The following THAP12 variants were observed in gnomAD, a reference collection of about 807,000 sequenced individuals.
THAP12 encodes THAP domain containing 12, also known as 52 kDa repressor of the inhibitor of the protein kinase.
In THAP12, 20 loss-of-function variants were observed where a neutral mutation model predicts 63.0. That is an observed-to-expected ratio of 0.32 (90% confidence interval 0.22 to 0.46). The LOEUF (loss-of-function observed/expected upper bound fraction) is 0.46, where lower values mean the gene tolerates loss of function less well. THAP12 is among the 20% of genes least tolerant of loss of function. The pLI is 1.00. For missense variants in THAP12, 568 were observed against 908.2 expected (o/e 0.63, Z 4.81); for synonymous variants, 264 against 328.4 (o/e 0.80, Z 2.12).
At position 76,351,145 on chromosome 11, in the gene THAP12, G is replaced by A. The variant is rs1396344089; in HGVS notation, c.2005C>T (p.Pro669Ser). The A allele has an allele frequency of 1.9e-6, 3 of 1,606,138 alleles. No homozygotes were observed. The Admixed American group carries it at 5.1e-5, about 27-fold the overall frequency. The change falls in exon 5 of 5, where the codon CCT becomes TCT. Residue 669 changes from proline to serine, a missense_variant. Transcript: ENST00000260045. ...ACATTAGGAAAAAACTTGATGTCAG[G>A]CAGGTGGAGGGCTTCATAGATGGTG... ...PSTIYEALHLPDIKFFPNVYA... is the reference protein window; with the variant it reads ...PSTIYEALHLSDIKFFPNVYA...
chr11:76,365,533 G>A (rs1024935439), intron 2 of THAP12, among the ~76,000 whole-genome samples: 3 of 151,776 alleles, frequency 2.0e-5, no homozygotes, highest in African/African-American at 7.3e-5. Flanking sequence ...ACAGGCATAC[G>A]TCACCACACC....
At chr11:76,379,990 T>C in intron 1 of THAP12, among the ~76,000 whole-genome samples, 1 of 152,136 alleles carries the variant, frequency 6.6e-6, no homozygotes, top group East Asian at 1.9e-4. Context: ...CACCTAACAT[T>C]TGCGCTCGGC....
chr11:76,350,769 T>C lies in THAP12; in HGVS notation c.*95A>G, dbSNP rs566408363. 437 of 1,335,452 alleles carry C rather than the reference T, an allele frequency of 3.3e-4. No homozygotes were observed. The Middle Eastern group carries it at 3.3e-3, about 10-fold the overall frequency. The allele number at this position is 1,335,452 out of a possible 1,614,324, so 82.7% of individuals were successfully genotyped here. On this transcript the variant is annotated 3_prime_UTR_variant, in exon 5 of 5. Transcript: ENST00000260045. ...GGCTAATGTATTCAATGGAGTCCTATAGGCAAAGATATTTAGTGATTAAGT... is the reference window on the plus strand; with the variant it reads ...GGCTAATGTATTCAATGGAGTCCTACAGGCAAAGATATTTAGTGATTAAGT...
intron 3 of THAP12, chr11:76,358,062 A>AAGAAAACCAATAAAGAT: frequency 6.6e-6 from 1 of 152,304 alleles, no homozygotes; most frequent in East Asian, 1.9e-4. Context: ...ACAAGAAAGA[A>AAGAAAACCAATAAAGAT]AGAAAACCAA....
At chr11:76,355,544 A>AG in intron 4 of THAP12, 74 bp downstream of exon 4, 1 of 1,349,454 alleles carries the variant, frequency 7.4e-7, no homozygotes, top group Non-Finnish European at 1.0e-6. Flanking sequence ...CACAGAACAT[A>AG]TTTATTTGTC....
intron 1 of THAP12, among the ~76,000 whole-genome samples, chr11:76,371,684 A>G (rs1441805792): frequency 6.6e-6 from 1 of 151,528 alleles, no homozygotes; most frequent in Non-Finnish European, 1.5e-5. Context: ...CTCCTTAATC[A>G]ATGCCAAGGA....
In THAP12 at chr11:76,380,633, T is replaced by C. The variant is rs1946749254; in HGVS notation, c.89+115A>G. On this transcript the variant is annotated intron_variant, in intron 1 of 4. Coordinates refer to ENST00000260045, the MANE Select transcript of THAP12 (RefSeq NM_004705.4). Reference sequence around the variant, plus strand: ...AACGCTGGGGTCGACGGCAGTGCGCTGCGCCCGCCTCCTGCGCCCCTCTCA... The same window carrying C: ...AACGCTGGGGTCGACGGCAGTGCGCCGCGCCCGCCTCCTGCGCCCCTCTCA... 1.5e-5 allele frequency: 12 copies of C among 776,326 alleles called. No individual in the cohort carries two copies. In the South Asian group the frequency reaches 5.0e-4, roughly 32 times the overall value. 48.1% of individuals were successfully genotyped at this position (776,326 alleles called of 1,614,324 possible).
chr11:76,354,708 A>C (rs1278224950), intron 4 of THAP12, among the ~76,000 whole-genome samples: 1 of 152,194 alleles, frequency 6.6e-6, no homozygotes, highest in Non-Finnish European at 1.5e-5. Flanking sequence ...GTACCATGGA[A>C]ATCAGGTCCC....
chr11:76,361,637 G>T (rs999207120), intron 2 of THAP12, among the ~76,000 whole-genome samples: 3 of 152,012 alleles, frequency 2.0e-5, no homozygotes, highest in Non-Finnish European at 4.4e-5. Flanking sequence ...TAAAATTCTG[G>T]TATTGAACTA....
chr11:76,350,583 C>G lies in THAP12; in HGVS notation c.*281G>C, dbSNP rs1485053895. 1 of 243,480 alleles carries G rather than the reference C, an allele frequency of 4.1e-6. No individual in the cohort carries two copies. 15.1% of individuals were successfully genotyped at this position (243,480 alleles called of 1,614,324 possible). ...TAGAGATCCACAGTGATAATAAATG[C>G]TATGTCTAAAATGACTTAACTGAAA... On this transcript the variant is annotated 3_prime_UTR_variant, in exon 5 of 5. Coordinates refer to ENST00000260045, the MANE Select transcript of THAP12 (RefSeq NM_004705.4).
chr11:76,379,032 C>A (rs953786206), intron 1 of THAP12, among the ~76,000 whole-genome samples: 1 of 152,122 alleles, frequency 6.6e-6, no homozygotes, highest in African/African-American at 2.4e-5. Flanking sequence ...ATCTTGAAGT[C>A]GGCTGGGCGC....
chr11:76,362,961 G>A (rs1192468990), intron 2 of THAP12, among the ~76,000 whole-genome samples: 1 of 152,038 alleles, frequency 6.6e-6, no homozygotes, highest in Admixed American at 6.6e-5. Context: ...TAGGTAACAC[G>A]GCAAAACTCC....
At chr11:76,372,400 T>C (rs903540879) in intron 1 of THAP12, among the ~76,000 whole-genome samples, 2 of 43,978 alleles carry the variant, frequency 4.5e-5, no homozygotes, top group Admixed American at 6.4e-4. Context: ...GTTCAAAGAA[T>C]TGCTTCTAAA....
At chr11:76,367,624 C>T (rs1328346740) in intron 1 of THAP12, among the ~76,000 whole-genome samples, 5 of 146,800 alleles carry the variant, frequency 3.4e-5, no homozygotes, top group African/African-American at 1.0e-4. Context: ...GGTTTCAGCA[C>T]GTTGGCTAGC....
At chr11:76,377,248 G>C (rs1304543325) in intron 1 of THAP12, among the ~76,000 whole-genome samples, 1 of 152,038 alleles carries the variant, frequency 6.6e-6, no homozygotes, top group African/African-American at 2.4e-5. Context: ...TTTTCTTTGA[G>C]GTGAAATTCT....
At chr11:76,372,233 C>T (rs991568968) in intron 1 of THAP12, among the ~76,000 whole-genome samples, 2 of 152,188 alleles carry the variant, frequency 1.3e-5, no homozygotes, top group African/African-American at 4.8e-5. Flanking sequence ...GGATTACAGG[C>T]GTGAGCCACT....
rs1278840410 is a variant in THAP12, at chr11:76,351,069, T to C, written c.2081A>G (p.Asn694Ser). 3.7e-6 allele frequency: 6 copies of C among 1,612,004 alleles called. No individual in the cohort carries two copies. The highest frequency in any genetic ancestry group is 4.2e-6 in the Non-Finnish European group (5 of 1,179,820). Residue 694 changes from asparagine (N) to serine (S), a missense_variant, in exon 5 of 5, where the codon AAT (asparagine) becomes AGT (serine). Coordinates refer to ENST00000260045, the MANE Select transcript of THAP12 (RefSeq NM_004705.4). ...CTTTCGTCCATTTTCATACCGCTCA[T>C]TCTCAACCTTCATCACAGGAAGAAT... ...LCILPVMKVE[N>S]ERYENGRKRL...
intron 1 of THAP12, among the ~76,000 whole-genome samples, chr11:76,377,860 G>A (rs188599988): frequency 6.6e-6 from 1 of 152,266 alleles, no homozygotes; most frequent in East Asian, 1.9e-4. Flanking sequence ...ATCTTTTCAT[G>A]TGCTTTTTAG....
At chr11:76,359,233 T>C (rs1025120531) in intron 3 of THAP12, 1 of 152,208 alleles carries the variant, frequency 6.6e-6, no homozygotes, top group East Asian at 1.9e-4. Context: ...CTCAAAATTT[T>C]TCGTTTTCTG....
Sources: gnomAD v4.1 joint callset for allele counts (sites outside exome capture counted in the v4.1 genomes callset) on GRCh38, gnomAD v4.1.1 for gene constraint, MANE v1.5 for transcripts, NCBI Gene and HGNC (gene_info 2026-07-23, HGNC 2026-07-21) for gene names.